The following GLDC variants were observed in gnomAD, a reference collection of about 807,000 sequenced individuals.
GLDC encodes the protein glycine decarboxylase.
GLDC carries 104 observed loss-of-function variants against 121.3 expected under a neutral mutation model. The observed-to-expected ratio is 0.86, with a 90% CI of 0.73 to 1.01. GLDC has a LOEUF of 1.01. GLDC is among the 50% of genes least tolerant of loss of function. The pLI is 0.00. For synonymous variants in GLDC, 546 were observed against 480.6 expected, an observed-to-expected ratio of 1.14 and a Z score of -1.78; for missense variants, 1,429 against 1,306.6, an observed-to-expected ratio of 1.09 and a Z score of -1.44.
intron 2 of GLDC, among the ~76,000 whole-genome samples, chr9:6,642,775 C>A (rs908645931): frequency 6.6e-6 from 1 of 152,134 alleles, no homozygotes; most frequent in Non-Finnish European, 1.5e-5. Context: ...CATTCCCTGA[C>A]TTTGAAAGTC....
chr9:6,578,481 C>T (rs1035152818), intron 15 of GLDC, among the ~76,000 whole-genome samples: 4 of 152,122 alleles, frequency 2.6e-5, no homozygotes, highest in Non-Finnish European at 4.4e-5. Flanking sequence ...GTTTTAGCTA[C>T]AGCCCGTGAT....
chr9:6,533,653 G>A (rs1266901815), intron 24 of GLDC, among the ~76,000 whole-genome samples: 3 of 151,894 alleles, frequency 2.0e-5, no homozygotes, highest in African/African-American at 7.3e-5. Context: ...GAGGTCAGAG[G>A]TTCGAGACCA....
intron 3 of GLDC, among the ~76,000 whole-genome samples, chr9:6,617,811 G>C (rs529404945): frequency 1.3e-5 from 2 of 152,234 alleles, no homozygotes; most frequent in Non-Finnish European, 2.9e-5. Flanking sequence ...AAGATGCAAA[G>C]TGTTTATCAA....
chr9:6,617,513 C>G (rs1164640584), intron 3 of GLDC, among the ~76,000 whole-genome samples: 1 of 152,240 alleles, frequency 6.6e-6, no homozygotes, highest in African/African-American at 2.4e-5. Context: ...TTGAAATTAA[C>G]CTTGGAATTT....
rs143119940 is a variant in GLDC, at chr9:6,554,781, C to A, written c.2203G>T (p.Val735Leu). 9,339 of 1,610,402 alleles carry A rather than the reference C, an allele frequency of 5.8e-3. 78 individuals are homozygous for A. Among genetic ancestry groups the A allele is most frequent in the Non-Finnish European group, 5.5e-3 (6,521 of 1,177,918 alleles). The change falls in exon 19 of 25, where the codon GTG (valine) becomes TTG (leucine). Residue 735 changes from valine to leucine, a missense_variant and splice_region_variant. Val to Leu is a conservative substitution (Grantham distance 32, BLOSUM62 1). Transcript: ENST00000321612. ...AAGTCTCCAGGGCGACAGATTCCCACCTACCACAAAGGCAAGGGCCAAAAG... is the reference window on the plus strand; with the variant it reads ...AAGTCTCCAGGGCGACAGATTCCCAACTACCACAAAGGCAAGGGCCAAAAG... Reference protein sequence around the residue: ...YLDGANMNAQVGICRPGDFGS... With the variant: ...YLDGANMNAQLGICRPGDFGS...
chr9:6,627,832 CTAGTGAG>C (rs1354163182), intron 2 of GLDC, among the ~76,000 whole-genome samples: 2 of 152,194 alleles, frequency 1.3e-5, no homozygotes, highest in Non-Finnish European at 2.9e-5. Context: ...AACATACAGC[CTAGTGAG>C]TGTCTGAATT....
chr9:6,596,094 C>T (rs1818489666), intron 8 of GLDC, among the ~76,000 whole-genome samples: 1 of 152,202 alleles, frequency 6.6e-6, no homozygotes, highest in African/African-American at 2.4e-5. Context: ...AGAAACTCCA[C>T]AGCACTTTAC....
At chr9:6,636,368 T>C (rs1255829964) in intron 2 of GLDC, among the ~76,000 whole-genome samples, 1 of 151,982 alleles carries the variant, frequency 6.6e-6, no homozygotes, top group Non-Finnish European at 1.5e-5. Flanking sequence ...TAGCAAATGC[T>C]CTGGTAGGCA....
chr9:6,606,484 C>A (rs776116995), intron 5 of GLDC, 108 bp downstream of exon 5: 25 of 817,040 alleles, frequency 3.1e-5, no homozygotes, highest in Non-Finnish European at 5.0e-5. Context: ...CAGCAAAAAA[C>A]CCTGTTTCAG....
At chr9:6,615,867 G>A (rs1056842559) in intron 3 of GLDC, among the ~76,000 whole-genome samples, 7 of 152,078 alleles carry the variant, frequency 4.6e-5, no homozygotes, top group East Asian at 1.9e-4. Context: ...GCCCACCTCG[G>A]CCTCCCAAAG....
intron 8 of GLDC, among the ~76,000 whole-genome samples, chr9:6,597,557 T>C (rs1225101849): frequency 6.6e-6 from 1 of 151,616 alleles, no homozygotes; most frequent in African/African-American, 2.4e-5. Flanking sequence ...AAAGTAAGAC[T>C]CCCATCTCTA....
chr9:6,558,121 G>C (rs1193134906), intron 17 of GLDC: 2 of 260,342 alleles, frequency 7.7e-6, no homozygotes, highest in Admixed American at 4.9e-5. Context: ...GAGAGTGGGG[G>C]TTGGTGGAAA....
intron 21 of GLDC, among the ~76,000 whole-genome samples, chr9:6,548,941 C>G (rs867889517): frequency 3.9e-5 from 6 of 152,150 alleles, no homozygotes; most frequent in Non-Finnish European, 7.4e-5. Context: ...GCCCCCTCCT[C>G]CTTCACTACC....
intron 8 of GLDC, among the ~76,000 whole-genome samples, chr9:6,598,730 T>G (rs921969016): frequency 6.6e-6 from 1 of 152,218 alleles, no homozygotes; most frequent in Non-Finnish European, 1.5e-5. Flanking sequence ...AGTGAAGAGT[T>G]AGAAGATCAT....
chr9:6,578,322 G>A (rs889622545), intron 15 of GLDC, among the ~76,000 whole-genome samples: 1 of 151,876 alleles, frequency 6.6e-6, no homozygotes, highest in Non-Finnish European at 1.5e-5. Context: ...CCACTATGTT[G>A]CCGAGGCTGG....
chr9:6,606,488 G>C, intron 5 of GLDC, 104 bp downstream of exon 5: 1 of 837,104 alleles, frequency 1.2e-6, no homozygotes, highest in Non-Finnish European at 2.1e-6. Flanking sequence ...AAAAAACCCT[G>C]TTTCAGATTC....
chr9:6,560,534 G>C (rs1374809419), intron 16 of GLDC, among the ~76,000 whole-genome samples: 1 of 152,186 alleles, frequency 6.6e-6, no homozygotes, highest in East Asian at 1.9e-4. Flanking sequence ...ACCCAAGCTG[G>C]AGGCACTGTC....
At chr9:6,622,067 T>C (rs1162073259) in intron 2 of GLDC, among the ~76,000 whole-genome samples, 5 of 152,056 alleles carry the variant, frequency 3.3e-5, no homozygotes, top group Non-Finnish European at 7.4e-5. Flanking sequence ...ACACTTAACA[T>C]TGTTTTAACC....
intron 15 of GLDC, among the ~76,000 whole-genome samples, chr9:6,586,615 T>A (rs1818276962): frequency 6.6e-6 from 1 of 152,234 alleles, no homozygotes; most frequent in Admixed American, 6.5e-5. Context: ...CTTCTTATGC[T>A]GTGTCACTGA....
Sources: allele counts gnomAD v4.1 joint callset (sites outside exome capture counted in the v4.1 genomes callset), GRCh38; gene constraint gnomAD v4.1.1; transcripts MANE v1.5; gene names NCBI Gene and HGNC (gene_info 2026-07-23, HGNC 2026-07-21).